Variants in GNPTAB observed in about 807,000 individuals in gnomAD.
The protein encoded by GNPTAB is N-acetylglucosamine-1-phosphate transferase subunits alpha and beta.
A neutral mutation model predicts 136.6 loss-of-function variants in GNPTAB; 92 were observed. The ratio of observed to expected loss-of-function variants is 0.67; its 90% confidence interval spans 0.57 to 0.80. GNPTAB has a LOEUF of 0.80. GNPTAB is among the 30% of genes least tolerant of loss of function. The probability of loss-of-function intolerance (pLI) is 0.00; values close to 1 mark genes in which losing one functional copy is unlikely to be tolerated. For synonymous variants in GNPTAB, 512 were observed against 535.1 expected (o/e 0.96, Z 0.60); for missense variants, 1,343 against 1,501.8 (o/e 0.89, Z 1.75).
intron 1 of GNPTAB, among the ~76,000 whole-genome samples, chr12:101,821,338 G>C (rs1870792637): frequency 6.6e-6 from 1 of 152,154 alleles, no homozygotes; most frequent in Non-Finnish European, 1.5e-5. Context: ...ACTCTGCCAG[G>C]GCACAGGGAT....
chr12:101,808,395 A>T (rs1373580602), intron 1 of GNPTAB, among the ~76,000 whole-genome samples: 1 of 149,654 alleles, frequency 6.7e-6, no homozygotes, highest in Admixed American at 6.7e-5. Flanking sequence ...AAAAAAAAAA[A>T]GCTGGGCATA....
chr12:101,795,539 G>C (rs1483723255), intron 2 of GNPTAB, among the ~76,000 whole-genome samples: 1 of 152,052 alleles, frequency 6.6e-6, no homozygotes, highest in Non-Finnish European at 1.5e-5. Context: ...GATCACCTGA[G>C]GTCAGGAGTT....
At chr12:101,821,445 C>T (rs2137186427) in intron 1 of GNPTAB, among the ~76,000 whole-genome samples, 1 of 152,304 alleles carries the variant, frequency 6.6e-6, no homozygotes, top group African/African-American at 2.4e-5. Context: ...TAACTGGTAA[C>T]CAAATTGAGA....
intron 1 of GNPTAB, among the ~76,000 whole-genome samples, chr12:101,822,548 T>C (rs1054153600): frequency 4.6e-5 from 7 of 152,150 alleles, no homozygotes; most frequent in Non-Finnish European, 1.0e-4. Context: ...ACAGGAGGGA[T>C]CAGAAACAGG....
chr12:101,773,284 A>G (rs558785445), intron 7 of GNPTAB: 167 of 218,454 alleles, frequency 7.6e-4, no homozygotes, highest in African/African-American at 3.8e-3. Flanking sequence ...TAGCTTTCTG[A>G]GTAGCACATG....
intron 19 of GNPTAB, among the ~76,000 whole-genome samples, chr12:101,752,063 C>T (rs1281755891): frequency 1.3e-5 from 2 of 150,316 alleles, no homozygotes; most frequent in South Asian, 2.1e-4. Flanking sequence ...TACTTAAACA[C>T]GCAATATTGC....
chr12:101,818,959 A>G (rs1304413979), intron 1 of GNPTAB, among the ~76,000 whole-genome samples: 1 of 151,348 alleles, frequency 6.6e-6, no homozygotes, highest in Non-Finnish European at 1.5e-5. Flanking sequence ...CCCTTTCACC[A>G]TGATTGTAAG....
rs1952739957 is a variant in GNPTAB, at chr12:101,746,700, C to G, written c.*464G>C. 1 of 159,646 alleles carries G rather than the reference C, an allele frequency of 6.3e-6. No individual in the cohort carries two copies. Among genetic ancestry groups the G allele is most frequent in the African/African-American group, 2.4e-5 (1 of 40,904 alleles). The allele number at this position is 159,646 out of a possible 1,614,324, so 9.9% of individuals were successfully genotyped here. A position where few individuals can be genotyped will look rare whatever the true frequency, so the allele number is the denominator to read the frequency against. ...CATCCCAATTCGTTATACTCAGAAG[C>G]AAGAATAACTAGTTAACTTAGTAAC... On this transcript the variant is annotated 3_prime_UTR_variant, in exon 21 of 21. Coordinates refer to ENST00000299314, the MANE Select transcript of GNPTAB (RefSeq NM_024312.5).
chr12:101,748,020 C>T (rs1952761911), intron 20 of GNPTAB, among the ~76,000 whole-genome samples: 1 of 151,182 alleles, frequency 6.6e-6, no homozygotes, highest in South Asian at 2.1e-4. Context: ...TCCTTTCCTT[C>T]CCCATCCTAG....
At chr12:101,802,402 G>A (rs999977739) in intron 1 of GNPTAB, among the ~76,000 whole-genome samples, 3 of 152,082 alleles carry the variant, frequency 2.0e-5, no homozygotes, top group Non-Finnish European at 4.4e-5. Context: ...ATTGGACATA[G>A]TAACTTAGGG....
At chr12:101,752,978 C>A (rs1029862901) in intron 19 of GNPTAB, among the ~76,000 whole-genome samples, 1 of 152,120 alleles carries the variant, frequency 6.6e-6, no homozygotes, top group Non-Finnish European at 1.5e-5. Flanking sequence ...TTTGGCCGAG[C>A]ATGGTGGCTC....
At chr12:101,801,231 C>CAAAAA (rs35036983) in intron 1 of GNPTAB, among the ~76,000 whole-genome samples, 198 of 12,752 alleles carry the variant, frequency 0.016, 62 homozygotes, top group African/African-American at 0.051. Flanking sequence ...GACCCTGTCT[C>CAAAAA]AAAAAAAAAA....
intron 4 of GNPTAB, 96 bp from the exon 5 acceptor site, chr12:101,786,313 T>C: frequency 1.1e-6 from 1 of 930,634 alleles, no homozygotes; most frequent in Non-Finnish European, 1.7e-6. Flanking sequence ...GATTTTTTTA[T>C]AGCCCATAAA....
chr12:101,757,600 T>C lies in GNPTAB; in HGVS notation c.3307A>G (p.Lys1103Glu), dbSNP rs1952922359. The C allele has an allele frequency of 4.4e-6, 7 of 1,578,148 alleles. No individual in the cohort carries two copies. The East Asian group carries it at 1.6e-4, about 35-fold the overall frequency. ...TATTTGTTTTTGTCCTTATATGCTTTGTGGATTTTGTCAGTTACTGGTTTA... is the reference window on the plus strand; with the variant it reads ...TATTTGTTTTTGTCCTTATATGCTTCGTGGATTTTGTCAGTTACTGGTTTA... ...NCKPVTDKIHKAYKDKNKYRF... is the reference protein window; with the variant it reads ...NCKPVTDKIHEAYKDKNKYRF... Residue 1103 changes from lysine to glutamate, a missense_variant, in exon 17 of 21, where the codon AAA becomes GAA. Transcript: ENST00000299314.
intron 16 of GNPTAB, among the ~76,000 whole-genome samples, chr12:101,758,902 A>G (rs1952945278): frequency 6.6e-6 from 1 of 151,944 alleles, no homozygotes; most frequent in Admixed American, 6.6e-5. Flanking sequence ...AATATGAAAA[A>G]CTCTAGTGTA....
chr12:101,814,525 T>C (rs985840085), intron 1 of GNPTAB, among the ~76,000 whole-genome samples: 36 of 151,910 alleles, frequency 2.4e-4, no homozygotes, highest in African/African-American at 8.7e-4. Context: ...GGTGAAACCC[T>C]GTCTCTACTG....
At chr12:101,816,782 T>C (rs981337494) in intron 1 of GNPTAB, among the ~76,000 whole-genome samples, 2 of 152,206 alleles carry the variant, frequency 1.3e-5, no homozygotes, top group African/African-American at 4.8e-5. Context: ...TGGCCAAGAT[T>C]TGGAGGCAAG....
rs1224060861 is a variant in GNPTAB, at chr12:101,766,276, C to T, written c.1427G>A (p.Arg476His). ...GDCSGNSGGSRYIAGGGGTGS... is the reference protein window; with the variant it reads ...GDCSGNSGGSHYIAGGGGTGS... The stretch of plus-strand genomic sequence containing the variant: ...AGTACCTCCACCTCCTGCAATATAG[C>T]GACTCCCTCCACTGTTTCCTGTAGA... The change falls in exon 12 of 21, where the codon CGC becomes CAC. Residue 476 changes from arginine to histidine, a missense_variant. Coordinates refer to ENST00000299314, the MANE Select transcript of GNPTAB (RefSeq NM_024312.5). 6 of 1,613,714 alleles carry T rather than the reference C, an allele frequency of 3.7e-6. No individual in the cohort carries two copies. The highest frequency in any genetic ancestry group is 1.6e-4 in the Middle Eastern group (1 of 6,062).
intron 8 of GNPTAB, 118 bp from the exon 9 acceptor site, chr12:101,770,703 G>A (rs1235176885): frequency 1.3e-6 from 1 of 779,604 alleles, no homozygotes; most frequent in Non-Finnish European, 2.2e-6. Context: ...TTTTAAAGAT[G>A]GAGTCCTAAT....
Sources: allele counts gnomAD v4.1 joint callset (sites outside exome capture counted in the v4.1 genomes callset), GRCh38; gene constraint gnomAD v4.1.1; transcripts MANE v1.5; gene names NCBI Gene and HGNC (gene_info 2026-07-23, HGNC 2026-07-21).